The following CPLANE1 variants were observed in gnomAD, a reference collection of about 807,000 sequenced individuals.
CPLANE1 encodes ciliogenesis and planar polarity effector 1.
CPLANE1 carries 263 observed loss-of-function variants against 362.5 expected under a neutral mutation model. The ratio of observed to expected loss-of-function variants is 0.73; its 90% CI spans 0.66 to 0.80. The LOEUF is 0.80. Ranked by LOEUF, CPLANE1 falls within the 30% of genes least tolerant of loss-of-function variation. The pLI is 0.00. For synonymous variants in CPLANE1, 1,212 were observed against 1,302.6 expected (o/e 0.93, Z 1.50); for missense variants, 3,461 against 3,793.4 (o/e 0.91, Z 2.30).
Position 37,247,675 on chromosome 5 carries a change from C to A in CPLANE1, c.24G>T (p.Leu8Phe), listed in dbSNP as rs1392344659. 1.3e-6 allele frequency: 2 copies of A among 1,550,418 alleles called. No individual in the cohort carries two copies. The highest frequency in any genetic ancestry group is 8.7e-7 in the Non-Finnish European group (1 of 1,146,068). MEIRLEI[L>F]TSTGIKQKKP... is the part of the protein sequence containing the mutation. ...TTTTCTGCTTAATACCTGTTGATGT[C>A]AAGATTTCTAATCTTATCTCCATGT... Residue 8 changes from leucine to phenylalanine, a missense_variant, in exon 2 of 53, where the codon TTG becomes TTT. Around this residue, in one of 2 missense-constraint regions of CPLANE1, gnomAD observed 3,380 missense variants for 3,666.1 expected, o/e 0.92. Coordinates refer to ENST00000651892, the MANE Select transcript of CPLANE1 (RefSeq NM_001384732.1).
At chr5:37,158,648 G>C (rs762762132) in intron 38 of CPLANE1, among the ~76,000 whole-genome samples, 1 of 152,072 alleles carries the variant, frequency 6.6e-6, no homozygotes, top group Admixed American at 6.5e-5. Context: ...ATCAGATATA[G>C]TAAGTCATGC....
rs577543111 is a variant in CPLANE1, at chr5:37,115,137, G to A, written c.9311-88C>T. ...GAGTTATTTGAGGACAGACACCTTG[G>A]TGATCAGCTTTGAATCTGCTCACCA... On this transcript the variant is annotated intron_variant, in intron 50 of 52. Coordinates refer to ENST00000651892, the MANE Select transcript of CPLANE1 (RefSeq NM_001384732.1). 1.0e-5 allele frequency: 9 copies of A among 875,818 alleles called. No individual in the cohort carries two copies. The African/African-American group carries it at 1.2e-4, about 11-fold the overall frequency. 54.3% of individuals were successfully genotyped at this position (875,818 alleles called of 1,614,324 possible).
intron 46 of CPLANE1, among the ~76,000 whole-genome samples, chr5:37,125,819 T>G (rs953171654): frequency 1.3e-5 from 2 of 152,224 alleles, no homozygotes; most frequent in African/African-American, 2.4e-5. Flanking sequence ...TATATATTTA[T>G]AGAGTACATG....
Position 37,169,131 on chromosome 5 carries a change from A to C in CPLANE1, c.6893T>G (p.Val2298Gly). 6.2e-7 allele frequency: 1 copy of C among 1,614,066 alleles called. No individual in the cohort carries two copies. Among genetic ancestry groups the C allele is most frequent in the Non-Finnish European group, 8.5e-7 (1 of 1,179,998 alleles). The change falls in exon 34 of 53, where the codon GTT becomes GGT. Residue 2298 changes from valine (V) to glycine (G), a missense_variant. Physicochemically the swap from Val to Gly is moderately radical, Grantham distance 109. Coordinates refer to ENST00000651892, the MANE Select transcript of CPLANE1 (RefSeq NM_001384732.1). ...AGTTTCTGCCCACGTCTTCTGCTCA[A>C]CTTCTTTTTTTCTGGCTTCAGTGTT... The part of the protein sequence containing the change: ...QYNTEARKKE[V>G]EQKTWAETVI...
intron 51 of CPLANE1, among the ~76,000 whole-genome samples, chr5:37,111,367 G>A (rs561813752): frequency 4.6e-5 from 7 of 151,680 alleles, no homozygotes; most frequent in African/African-American, 1.7e-4. Context: ...CTCATGATCC[G>A]CCCGCCTCGG....
chr5:37,082,758 G>A, the CPLANE1 span, among the ~76,000 whole-genome samples: 13 of 144,274 alleles, frequency 9.0e-5, no homozygotes, highest in African/African-American at 2.4e-4. Context: ...TTCCATGTAC[G>A]TGGAAACCCA....
chr5:37,180,186 G>GA lies in CPLANE1; in HGVS notation c.5571-4dup, dbSNP rs772609727. 8 of 1,433,134 alleles carry GA rather than the reference G, an allele frequency of 5.6e-6. No individual in the cohort carries two copies. The highest frequency in any genetic ancestry group is 5.3e-5 in the Admixed American group (2 of 37,426). 88.8% of individuals were successfully genotyped at this position (1,433,134 alleles called of 1,614,324 possible). A position where few individuals can be genotyped will look rare whatever the true frequency, so the allele number is the denominator to read the frequency against. On this transcript the variant is annotated splice_polypyrimidine_tract_variant and splice_region_variant and intron_variant, in intron 27 of 52. Transcript: ENST00000651892. ...TTTTTGCTTCAGTTGGCATTCTACT[G>GA]AAAAAAATGCAGCAACTAAAATTAC...
At position 37,167,087 on chromosome 5, in the gene CPLANE1, C is replaced by T. The variant is rs867750018; in HGVS notation, c.7360G>A (p.Glu2454Lys). Reference protein sequence around the residue: ...GHLQLLKVKIEPPEVRQGKDS... With the variant: ...GHLQLLKVKIKPPEVRQGKDS... ...TTTCCTTGTCTTACTTCAGGTGGTTCTATTTTGACCTTTAGAAGTTGAAGG... is the reference window on the plus strand; with the variant it reads ...TTTCCTTGTCTTACTTCAGGTGGTTTTATTTTGACCTTTAGAAGTTGAAGG... Residue 2454 changes from glutamate to lysine, a missense_variant, in exon 35 of 53, where the codon GAA becomes AAA. Coordinates refer to ENST00000651892, the MANE Select transcript of CPLANE1 (RefSeq NM_001384732.1). 9.9e-6 allele frequency: 16 copies of T among 1,612,118 alleles called. No homozygotes were observed. The highest frequency in any genetic ancestry group is 2.7e-5 in the African/African-American group (2 of 74,822).
intron 36 of CPLANE1, 129 bp downstream of exon 36, chr5:37,165,410 C>T (rs1263512683): frequency 7.0e-6 from 6 of 862,342 alleles, no homozygotes; most frequent in Middle Eastern, 4.6e-4. Context: ...GACTGATATA[C>T]TGAATGATAT....
Position 37,107,668 on chromosome 5 carries a change from G to A in CPLANE1, c.9690C>T (p.Ala3230=), listed in dbSNP as rs1757903349. 6.2e-7 allele frequency: 1 copy of A among 1,611,510 alleles called. No homozygotes were observed. The highest frequency in any genetic ancestry group is 8.5e-7 in the Non-Finnish European group (1 of 1,179,100). The change falls in exon 53 of 53, where the codon GCC becomes GCT. Residue 3230 remains alanine, a synonymous_variant. Coordinates refer to ENST00000651892, the MANE Select transcript of CPLANE1 (RefSeq NM_001384732.1). The part of the protein sequence containing the change: ...GSILSKLDWN[A]IEDMVASVED... The stretch of plus-strand genomic sequence containing the variant: ...CCACGCTGGCCACCATGTCTTCGAT[G>A]GCATTCCAGTCCAGCTTGCTGAGGA...
intron 6 of CPLANE1, among the ~76,000 whole-genome samples, chr5:37,242,429 A>G (rs906523151): frequency 6.6e-5 from 10 of 152,248 alleles, no homozygotes; most frequent in African/African-American, 2.4e-4. Flanking sequence ...AGAACACTTA[A>G]GCATTTAAAA....
At chr5:37,233,438 G>C (rs1363284976) in intron 8 of CPLANE1, among the ~76,000 whole-genome samples, 1 of 151,830 alleles carries the variant, frequency 6.6e-6, no homozygotes, top group Non-Finnish European at 1.5e-5. Flanking sequence ...TTTAGAGCTG[G>C]GCTACGTCCC....
intron 46 of CPLANE1, among the ~76,000 whole-genome samples, chr5:37,127,274 T>C (rs1056529353): frequency 6.6e-6 from 1 of 152,138 alleles, no homozygotes; most frequent in African/African-American, 2.4e-5. Context: ...GAGGTGATCT[T>C]GGGGACCCCC....
intron 32 of CPLANE1, among the ~76,000 whole-genome samples, chr5:37,172,201 A>G (rs553554466): frequency 1.3e-5 from 2 of 152,326 alleles, no homozygotes; most frequent in South Asian, 4.1e-4. Flanking sequence ...AATTTACTGA[A>G]GATTTTTAAA....
Position 37,227,659 on chromosome 5 carries a change from T to C in CPLANE1, c.1280A>G (p.Asp427Gly). 2 of 1,551,498 alleles carry C rather than the reference T, an allele frequency of 1.3e-6. No individual in the cohort carries two copies. Among genetic ancestry groups the C allele is most frequent in the Non-Finnish European group, 8.7e-7 (1 of 1,146,856 alleles). The change falls in exon 10 of 53, where the codon GAT (aspartate) becomes GGT (glycine). Residue 427 changes from aspartate to glycine, a missense_variant. By Grantham distance (94) the Asp-to-Gly change is moderately conservative. Transcript: ENST00000651892. Reference sequence around the variant, plus strand: ...CATGTGTACTGATGGAGATAGGCTATCAAGAAATCGAAGGGTTGTGACCAT... The same window carrying C: ...CATGTGTACTGATGGAGATAGGCTACCAAGAAATCGAAGGGTTGTGACCAT... ...GYMVTTLRFL[D>G]SLSPSVHMRS...
At chr5:37,233,913 C>T (rs1798308686) in intron 8 of CPLANE1, among the ~76,000 whole-genome samples, 1 of 152,252 alleles carries the variant, frequency 6.6e-6, no homozygotes, top group East Asian at 1.9e-4. Flanking sequence ...CAAAACTTCA[C>T]CATAACCCCA....
At chr5:37,152,170 G>A (rs775891502) in intron 42 of CPLANE1, among the ~76,000 whole-genome samples, 11 of 151,902 alleles carry the variant, frequency 7.2e-5, no homozygotes, top group Admixed American at 3.9e-4. Flanking sequence ...TAGACTTTAA[G>A]ACATTTAACT....
At chr5:37,087,937 C>A in the CPLANE1 span, among the ~76,000 whole-genome samples, 2 of 152,218 alleles carry the variant, frequency 1.3e-5, no homozygotes, top group African/African-American at 4.8e-5. Context: ...CTCTGGAAGG[C>A]AGAATACAAT....
At position 37,239,850 on chromosome 5, in the gene CPLANE1, G is replaced by T; in HGVS notation, c.697C>A (p.His233Asn). The change falls in exon 7 of 53, where the codon CAT (histidine) becomes AAT (asparagine). Residue 233 changes from histidine (H) to asparagine (N), a missense_variant. Coordinates refer to ENST00000651892, the MANE Select transcript of CPLANE1 (RefSeq NM_001384732.1). ...TSVRSLPYHVHWAQQDCHLCS... is the reference protein window; with the variant it reads ...TSVRSLPYHVNWAQQDCHLCS... ...AGATGACAGTCTTGTTGAGCCCAAT[G>T]AACATGGTATGGCAATGATCTAAAA... is the stretch of plus-strand genomic sequence containing the variant. 1 of 1,513,060 alleles carries T rather than the reference G, an allele frequency of 6.6e-7. No homozygotes were observed. Among genetic ancestry groups the T allele is most frequent in the South Asian group, 1.3e-5 (1 of 76,246 alleles). 93.7% of individuals were successfully genotyped at this position (1,513,060 alleles called of 1,614,324 possible). A position where few individuals can be genotyped will look rare whatever the true frequency, so the allele number is the denominator to read the frequency against.
Sources: gnomAD v4.1 joint callset for allele counts (sites outside exome capture counted in the v4.1 genomes callset) on GRCh38, gnomAD v4.1.1 for gene constraint, gnomAD v4.1.1 regional missense constraint, MANE v1.5 for transcripts, NCBI Gene and HGNC (gene_info 2026-07-23, HGNC 2026-07-21) for gene names.